EFCAB7: variants seen among roughly 807,000 people sequenced by gnomAD.
EFCAB7 encodes the protein EF-hand calcium-binding domain-containing protein 7.
A neutral mutation model predicts 77.1 loss-of-function variants in EFCAB7; 66 were observed. That is an observed-to-expected ratio of 0.86 (90% CI 0.70 to 1.05). The LOEUF (loss-of-function observed/expected upper bound fraction) is 1.05, where lower values mean the gene tolerates loss of function less well. Among genes scored for constraint, EFCAB7 ranks in the 50% least tolerant of loss-of-function variants. EFCAB7 has a pLI of 0.00. For synonymous variants in EFCAB7, 225 were observed against 243.3 expected (o/e 0.92, Z 0.70); for missense variants, 638 against 730.5 (o/e 0.87, Z 1.46).
intron 7 of EFCAB7, chr1:63,549,700 CAT>C: frequency 3.6e-6 from 1 of 281,666 alleles, no homozygotes; most frequent in Non-Finnish European, 6.9e-6. Flanking sequence ...TTATTTTACA[CAT>C]GTCAAGGGAT....
rs1463916504 is a variant in EFCAB7, at chr1:63,555,510, AT to A, written c.1212del (p.Phe404LeufsTer11). The A allele has an allele frequency of 8.1e-6, 13 of 1,611,218 alleles. No individual in the cohort carries two copies. The highest frequency in any genetic ancestry group is 1.1e-5 in the Non-Finnish European group (13 of 1,178,560). Reference protein sequence around the residue: ...ETGELFLTKEFKSTLSDIFEV... With the variant: ...ETGELFLTKEXKSTLSDIFEV... ...CAGGGGAATTATTCCTTACAAAGGAATTTAAGTAAGTTTTGTTTATTAATGT... is the reference window on the plus strand; with the variant it reads ...CAGGGGAATTATTCCTTACAAAGGAATTAAGTAAGTTTTGTTTATTAATGT... On this transcript the variant is annotated frameshift_variant, in exon 9 of 14. Coordinates refer to ENST00000371088, the MANE Select transcript of EFCAB7 (RefSeq NM_032437.4). LOFTEE classifies it high-confidence loss of function.
downstream of EFCAB7, among the ~76,000 whole-genome samples, chr1:63,575,975 T>G (rs1408887237): frequency 6.6e-6 from 1 of 152,174 alleles, no homozygotes; most frequent in African/African-American, 2.4e-5. Flanking sequence ...AGTTTGCAAG[T>G]TTAAGAGCAT....
intron 11 of EFCAB7, among the ~76,000 whole-genome samples, chr1:63,563,122 C>G (rs1303700580): frequency 1.3e-5 from 2 of 152,004 alleles, no homozygotes; most frequent in Non-Finnish European, 2.9e-5. Flanking sequence ...ATTGTGCTAC[C>G]CATGTTGTTG....
In EFCAB7 at chr1:63,557,223, G is replaced by T. The variant is rs373883173; in HGVS notation, c.1324G>T (p.Glu442Ter). ...ELRTSGEKCD[E>*]DAWAVCRENF... is the part of the protein sequence containing the mutation. ...GAGAACAAGTGGTGAGAAATGTGAT[G>T]AAGATGCTTGGGCTGTCTGCAGAGG... The change falls in exon 10 of 14, where the codon GAA (glutamate) becomes TAA (stop). Residue 442 changes from glutamate to a stop codon, truncating the protein, a stop_gained. Coordinates refer to ENST00000371088, the MANE Select transcript of EFCAB7 (RefSeq NM_032437.4). LOFTEE classifies it high-confidence loss of function. 1.2e-6 allele frequency: 2 copies of T among 1,609,574 alleles called. No homozygotes were observed. Among genetic ancestry groups the T allele is most frequent in the African/African-American group, 2.7e-5 (2 of 74,510 alleles).
At position 63,531,828 on chromosome 1, in the gene EFCAB7, C is replaced by T; in HGVS notation, c.196C>T (p.His66Tyr). Residue 66 changes from histidine to tyrosine, a missense_variant, in exon 3 of 14, where the codon CAT becomes TAT. By Grantham distance (83) the His-to-Tyr change is moderately conservative. Transcript: ENST00000371088. ...SKDQLYLALQ[H>Y]AGRNPSQKTI... ...CTTGTCTTGTTGGGCAGCTCTTCAG[C>T]ATGCAGGAAGAAATCCATCCCAAAA... The T allele has an allele frequency of 1.2e-6, 2 of 1,611,248 alleles. No homozygotes were observed. Among genetic ancestry groups the T allele is most frequent in the African/African-American group, 1.3e-5 (1 of 74,836 alleles).
intron 13 of EFCAB7, among the ~76,000 whole-genome samples, chr1:63,571,977 G>T (rs1282179546): frequency 2.0e-5 from 3 of 152,088 alleles, no homozygotes; most frequent in South Asian, 2.1e-4. Flanking sequence ...TTTAGCCAGG[G>T]GTTCAAAGGC....
chr1:63,524,330 C>T (rs1300502017), intron 1 of EFCAB7, among the ~76,000 whole-genome samples: 1 of 152,204 alleles, frequency 6.6e-6, no homozygotes, highest in East Asian at 1.9e-4. Flanking sequence ...TACCAATTTG[C>T]AGTAACCAGA....
downstream of EFCAB7, among the ~76,000 whole-genome samples, chr1:63,575,212 C>G (rs1647378016): frequency 2.6e-5 from 4 of 151,884 alleles, no homozygotes; most frequent in South Asian, 8.3e-4. Flanking sequence ...GTTTAAGTAT[C>G]AAGTACTGTT....
Position 63,525,601 on chromosome 1 carries a change from C to T in EFCAB7, c.29C>T (p.Thr10Ile). Residue 10 changes from threonine (T) to isoleucine (I), a missense_variant, in exon 2 of 14, where the codon ACT becomes ATT. Coordinates refer to ENST00000371088, the MANE Select transcript of EFCAB7 (RefSeq NM_032437.4). ...GCGATCAGTCCACGAAGCGATGCAA[C>T]TTTCTCCAGTCAGAAATCAACACCT... MAISPRSDA[T>I]FSSQKSTPSE... 1.3e-6 allele frequency: 2 copies of T among 1,570,966 alleles called. No individual in the cohort carries two copies. Among genetic ancestry groups the T allele is most frequent in the Non-Finnish European group, 1.7e-6 (2 of 1,169,122 alleles).
At chr1:63,568,190 C>T in intron 11 of EFCAB7, 120 bp from the exon 12 acceptor site, 1 of 878,102 alleles carries the variant, frequency 1.1e-6, no homozygotes, top group South Asian at 2.2e-5. Context: ...AAATTTTCCT[C>T]TAAAAGTTTA....
At chr1:63,534,869 C>T (rs1324234357) in intron 6 of EFCAB7, among the ~76,000 whole-genome samples, 1 of 152,054 alleles carries the variant, frequency 6.6e-6, no homozygotes, top group East Asian at 1.9e-4. Context: ...TGTTATTGAA[C>T]TCTGAAGTCC....
intron 8 of EFCAB7, among the ~76,000 whole-genome samples, chr1:63,553,464 C>T (rs1453503419): frequency 6.6e-6 from 1 of 152,142 alleles, no homozygotes; most frequent in Non-Finnish European, 1.5e-5. Context: ...CTCAGCCTCT[C>T]AAGTAGCTGG....
intron 8 of EFCAB7, among the ~76,000 whole-genome samples, chr1:63,554,879 A>G: frequency 6.6e-6 from 1 of 152,196 alleles, no homozygotes; most frequent in African/African-American, 2.4e-5. Flanking sequence ...CCATTTCAAA[A>G]TATATTTAAT....
At chr1:63,530,903 G>A (rs1646683656) in intron 2 of EFCAB7, among the ~76,000 whole-genome samples, 1 of 151,988 alleles carries the variant, frequency 6.6e-6, no homozygotes, top group African/African-American at 2.4e-5. Flanking sequence ...TATTTATGGG[G>A]TACAATTTGA....
the EFCAB7 span, among the ~76,000 whole-genome samples, chr1:63,581,704 A>AT: frequency 1.3e-5 from 2 of 152,168 alleles, no homozygotes. Flanking sequence ...AAATTGGAAA[A>AT]TTTTTTGGAG....
chr1:63,581,935 C>G, the EFCAB7 span, among the ~76,000 whole-genome samples: 1 of 152,104 alleles, frequency 6.6e-6, no homozygotes. Flanking sequence ...CATTCATAGT[C>G]GAGACAAACG....
In EFCAB7 at chr1:63,531,937, C is replaced by T. The variant is rs771172005; in HGVS notation, c.305C>T (p.Thr102Ile). 8.1e-6 allele frequency: 13 copies of T among 1,612,886 alleles called. No individual in the cohort carries two copies. Among genetic ancestry groups the T allele is most frequent in the Non-Finnish European group, 1.1e-5 (13 of 1,179,344 alleles). Residue 102 changes from threonine (T) to isoleucine (I), a missense_variant, in exon 3 of 14, where the codon ACT becomes ATT. Coordinates refer to ENST00000371088, the MANE Select transcript of EFCAB7 (RefSeq NM_032437.4). ...FCIILRKEKP[T>I]SKAELLKSFK... ...ATAATTTTAAGGAAGGAAAAACCTA[C>T]TTCAAAAGCAGAACTACTAAAATCA...
chr1:63,565,960 A>G (rs1647166138), intron 11 of EFCAB7, among the ~76,000 whole-genome samples: 1 of 152,230 alleles, frequency 6.6e-6, no homozygotes, highest in Admixed American at 6.5e-5. Flanking sequence ...TCAAAGACCT[A>G]AAGACAAATA....
intron 7 of EFCAB7, chr1:63,549,314 A>G (rs573874689): frequency 2.1e-6 from 1 of 469,290 alleles, no homozygotes; most frequent in Admixed American, 2.4e-5. Flanking sequence ...TTTGATGAAG[A>G]TGTCTTTTGA....
Sources: gnomAD v4.1 joint callset for allele counts (sites outside exome capture counted in the v4.1 genomes callset) on GRCh38, gnomAD v4.1.1 for gene constraint, MANE v1.5 for transcripts, NCBI Gene and HGNC (gene_info 2026-07-23, HGNC 2026-07-21) for gene names.